Variants in ANGPTL2 observed in about 807,000 individuals in gnomAD.
ANGPTL2 encodes the protein angiopoietin-related protein 2.
A neutral mutation model predicts 52.8 loss-of-function variants in ANGPTL2; 25 were observed. The observed-to-expected ratio is 0.47, with a 90% confidence interval of 0.35 to 0.66. The LOEUF (loss-of-function observed/expected upper bound fraction) is 0.66, where lower values mean the gene tolerates loss of function less well. Ranked by LOEUF, ANGPTL2 falls within the 30% of genes least tolerant of loss-of-function variation. The pLI is 0.01. For synonymous variants in ANGPTL2, 276 were observed against 277.4 expected (o/e 1.00, Z 0.05); for missense variants, 546 against 656.9 (o/e 0.83, Z 1.84).
chr9:127,106,195 C>T (rs1564589077), intron 2 of ANGPTL2, among the ~76,000 whole-genome samples: 1 of 152,140 alleles, frequency 6.6e-6, no homozygotes, highest in Non-Finnish European at 1.5e-5. Context: ...ACCATTGAGT[C>T]CAGCCTGTCT....
chr9:127,102,545 A>G (rs1337474475), intron 2 of ANGPTL2, among the ~76,000 whole-genome samples: 2 of 152,164 alleles, frequency 1.3e-5, no homozygotes, highest in Non-Finnish European at 2.9e-5. Flanking sequence ...TAACAGTAAC[A>G]AGTTGATAGT....
chr9:127,105,409 A>G (rs952283323), intron 2 of ANGPTL2, among the ~76,000 whole-genome samples: 2 of 152,192 alleles, frequency 1.3e-5, no homozygotes, highest in African/African-American at 4.8e-5. Context: ...GGTGCCAGGA[A>G]TAGAACTGTG....
At chr9:127,121,481 C>G (rs1222066058) in intron 1 of ANGPTL2, among the ~76,000 whole-genome samples, 1 of 152,218 alleles carries the variant, frequency 6.6e-6, no homozygotes, top group Admixed American at 6.5e-5. Flanking sequence ...ACTGAACTGG[C>G]CTCTGGGAGC....
chr9:127,090,983 A>T (rs1214154326), intron 4 of ANGPTL2, among the ~76,000 whole-genome samples: 1 of 152,190 alleles, frequency 6.6e-6, no homozygotes, highest in Non-Finnish European at 1.5e-5. Flanking sequence ...CTAGATTTGA[A>T]GCATGTGATC....
chr9:127,116,572 C>G (rs944266623), intron 1 of ANGPTL2, among the ~76,000 whole-genome samples: 5 of 152,138 alleles, frequency 3.3e-5, no homozygotes, highest in African/African-American at 1.2e-4. Context: ...GCTCTGGAGC[C>G]CTACAACTGG....
intron 4 of ANGPTL2, among the ~76,000 whole-genome samples, chr9:127,090,365 T>C (rs1299059427): frequency 2.0e-5 from 3 of 152,262 alleles, no homozygotes; most frequent in Non-Finnish European, 2.9e-5. Flanking sequence ...AGGTTATCCT[T>C]CTGCCCTGCT....
In ANGPTL2 at chr9:127,093,733, C is replaced by T. The variant is rs778867885; in HGVS notation, c.1011G>A (p.Lys337=). The T allele has an allele frequency of 1.9e-6, 3 of 1,614,038 alleles. No homozygotes were observed. Among genetic ancestry groups the T allele is most frequent in the Non-Finnish European group, 2.5e-6 (3 of 1,179,964 alleles). ...ACAGACATCCCCTGCCGAGTCTCAC[C>T]TTGTACGTCTCCCAGTTCCTGAAGA... ...VNFFRNWETY[K]QGFGNIDGEY... The change falls in exon 3 of 5, where the codon AAG becomes AAA. Residue 337 remains lysine (K), a splice_region_variant and synonymous_variant. Transcript: ENST00000373425.
chr9:127,112,584 C>G (rs2054948775), intron 1 of ANGPTL2, among the ~76,000 whole-genome samples: 1 of 152,268 alleles, frequency 6.6e-6, no homozygotes, highest in African/African-American at 2.4e-5. Flanking sequence ...CAAACATGGG[C>G]TCTCACAGCT....
intron 1 of ANGPTL2, among the ~76,000 whole-genome samples, chr9:127,120,566 G>A (rs1406832565): frequency 6.6e-6 from 1 of 152,238 alleles, no homozygotes; most frequent in Non-Finnish European, 1.5e-5. Flanking sequence ...GCTCACGCCT[G>A]CAATCCCAGC....
Position 127,088,962 on chromosome 9 carries a change from G to T in ANGPTL2, c.1459C>A (p.Pro487Thr), listed in dbSNP as rs2052109090. 2 of 1,614,218 alleles carry T rather than the reference G, an allele frequency of 1.2e-6. No homozygotes were observed. The highest frequency in any genetic ancestry group is 1.1e-5 in the South Asian group (1 of 91,082). Reference protein sequence around the residue: ...SLKKVVMMIRPNPNTFH With the variant: ...SLKKVVMMIRTNPNTFH ...GCTTAGTGGAAGGTGTTGGGGTTCG[G>T]TCGGATCATCATCACCACTTTCTTG... Residue 487 changes from proline (P) to threonine (T), a missense_variant, in exon 5 of 5, where the codon CCG (proline) becomes ACG (threonine). Coordinates refer to ENST00000373425, the MANE Select transcript of ANGPTL2 (RefSeq NM_012098.3).
At chr9:127,106,810 T>G (rs1255821615) in intron 2 of ANGPTL2, 1 of 152,264 alleles carries the variant, frequency 6.6e-6, no homozygotes, top group Admixed American at 6.5e-5. Context: ...AGCAAGAAGC[T>G]GCTATTCCCA....
rs2052523613 is a variant in ANGPTL2, at chr9:127,091,890, A to T, written c.1062T>A (p.Ile354=). Residue 354 remains isoleucine, a synonymous_variant, in exon 4 of 5, where the codon ATT becomes ATA. Coordinates refer to ENST00000373425, the MANE Select transcript of ANGPTL2 (RefSeq NM_012098.3). The surrounding 1 kb of genome is among the most constrained non-coding windows in gnomAD (Gnocchi z 4.3). ...AGTTGCCTTGGTTCGTCAGCCAGTA[A>T]ATGTTCTCCAGGCCCAGCCAGTATT... ...DGEYWLGLEN[I]YWLTNQGNYK... is the part of the protein sequence containing the mutation. 6.2e-7 allele frequency: 1 copy of T among 1,614,142 alleles called. No homozygotes were observed. The highest frequency in any genetic ancestry group is 8.5e-7 in the Non-Finnish European group (1 of 1,180,028).
rs1564593071 is a variant in ANGPTL2 at position 127,107,944 on chromosome 9, C to G, written c.788G>C (p.Ser263Thr). Residue 263 changes from serine (S) to threonine (T), a missense_variant, in exon 2 of 5, where the codon AGC becomes ACC. Ser to Thr is a moderately conservative substitution (Grantham distance 58). Transcript: ENST00000373425. ...PPLPTMPTLT[S>T]LPSSTDKPSG... ...CGGCTTGTCGGTGGAAGATGGGAGG[C>G]TGGTGAGAGTGGGCATAGTGGGCAG... The G allele has an allele frequency of 6.5e-7, 1 of 1,541,416 alleles. No individual in the cohort carries two copies. Among genetic ancestry groups the G allele is most frequent in the African/African-American group, 1.4e-5 (1 of 73,250 alleles).
In ANGPTL2 at chr9:127,108,403, A is replaced by G. The variant is rs147398337; in HGVS notation, c.329T>C (p.Val110Ala). The change falls in exon 2 of 5, where the codon GTG (valine) becomes GCG (alanine). Residue 110 changes from valine (V) to alanine (A), a missense_variant. By Grantham distance (64) the Val-to-Ala change is moderately conservative. Coordinates refer to ENST00000373425, the MANE Select transcript of ANGPTL2 (RefSeq NM_012098.3). ...KRQIETLQQL[V>A]EVDGGIVSEV... Reference sequence around the variant, plus strand: ...GCTCACAATGCCGCCGTCCACCTCCACCAGCTGCTGCAGCGTCTCGATCTG... The same window carrying G: ...GCTCACAATGCCGCCGTCCACCTCCGCCAGCTGCTGCAGCGTCTCGATCTG... 12 of 1,607,634 alleles carry G rather than the reference A, an allele frequency of 7.5e-6. No homozygotes were observed. The African/African-American group carries it at 1.1e-4, about 14-fold the overall frequency.
At chr9:127,093,701 G>A in intron 3 of ANGPTL2, 32 bp downstream of exon 3, 1 of 1,610,588 alleles carries the variant, frequency 6.2e-7, no homozygotes, top group Non-Finnish European at 8.5e-7. Flanking sequence ...GTCACCTTGT[G>A]GGCAGCACAG....
At chr9:127,097,559 C>A (rs957192667) in intron 2 of ANGPTL2, among the ~76,000 whole-genome samples, 1 of 152,224 alleles carries the variant, frequency 6.6e-6, no homozygotes, top group Non-Finnish European at 1.5e-5. Context: ...AGAAACATCA[C>A]TGATGGATGA....
intron 1 of ANGPTL2, among the ~76,000 whole-genome samples, chr9:127,118,245 C>T (rs1486504264): frequency 1.3e-5 from 2 of 152,222 alleles, no homozygotes; most frequent in South Asian, 2.1e-4. Context: ...GCCATCGTAA[C>T]GTTGTAACCC....
intron 4 of ANGPTL2, among the ~76,000 whole-genome samples, chr9:127,090,391 G>A (rs1379877430): frequency 5.3e-5 from 8 of 152,254 alleles, no homozygotes; most frequent in Non-Finnish European, 1.0e-4. Context: ...AGAAGCCTCG[G>A]CAGCCCCTAC....
At chr9:127,105,694 C>T (rs58805406) in intron 2 of ANGPTL2, among the ~76,000 whole-genome samples, 8,865 of 152,236 alleles carry the variant, frequency 0.058, 868 homozygotes, top group African/African-American at 0.2. Context: ...TCGACGGATA[C>T]TCCCTCCCAG....
Sources: gnomAD v4.1 joint callset for allele counts (sites outside exome capture counted in the v4.1 genomes callset) on GRCh38, gnomAD v4.1.1 for gene constraint, Gnocchi (gnomAD v3.1) non-coding constraint, MANE v1.5 for transcripts, NCBI Gene and HGNC (gene_info 2026-07-23, HGNC 2026-07-21) for gene names.